CTNND2: variants seen among roughly 807,000 people sequenced by gnomAD.
CTNND2 encodes catenin delta-2.
In CTNND2, 22 loss-of-function variants were observed where a neutral mutation model predicts 144.4. That is an observed-to-expected ratio of 0.15 (90% confidence interval 0.11 to 0.22). CTNND2 has a LOEUF of 0.22. CTNND2 is among the 10% of genes least tolerant of loss of function. CTNND2 has a pLI of 1.00. For synonymous variants in CTNND2, 751 were observed against 695.6 expected, an observed-to-expected ratio of 1.08 and a Z score of -1.25; for missense variants, 1,353 against 1,618.8, an observed-to-expected ratio of 0.84 and a Z score of 2.82.
At chr5:11,704,091 G>A (rs1785582191) in intron 2 of CTNND2, among the ~76,000 whole-genome samples, 2 of 152,164 alleles carry the variant, frequency 1.3e-5, no homozygotes, top group Admixed American at 1.3e-4. Flanking sequence ...TCAAAAATGT[G>A]AACATGCTGT....
At chr5:11,577,398 C>T (rs190396458) in intron 2 of CTNND2, among the ~76,000 whole-genome samples, 1 of 152,120 alleles carries the variant, frequency 6.6e-6, no homozygotes, top group African/African-American at 2.4e-5. Context: ...CAAAGTAATG[C>T]TAAATTGTAA....
chr5:11,277,173 A>C (rs1399703121), intron 9 of CTNND2, among the ~76,000 whole-genome samples: 1 of 152,186 alleles, frequency 6.6e-6, no homozygotes, highest in Non-Finnish European at 1.5e-5. Flanking sequence ...CAGTGAGAGA[A>C]AATATTTTTA....
At chr5:11,699,885 C>T (rs1407532382) in intron 2 of CTNND2, among the ~76,000 whole-genome samples, 1 of 152,050 alleles carries the variant, frequency 6.6e-6, no homozygotes, top group East Asian at 1.9e-4. Flanking sequence ...CAATCAAATC[C>T]CCAGGTGGGG....
At chr5:10,996,081 C>T (rs1215427509) in intron 18 of CTNND2, among the ~76,000 whole-genome samples, 4 of 152,036 alleles carry the variant, frequency 2.6e-5, no homozygotes, top group African/African-American at 9.7e-5. Flanking sequence ...CCGGACAGGG[C>T]TGGAGGCTGT....
intron 3 of CTNND2, among the ~76,000 whole-genome samples, chr5:11,538,040 C>T (rs1358765325): frequency 6.6e-6 from 1 of 152,176 alleles, no homozygotes; most frequent in Non-Finnish European, 1.5e-5. Context: ...CCTAAAGAAA[C>T]TCTTCCTGCG....
Position 11,418,631 on chromosome 5 carries a change from TGATGAC to T in CTNND2, c.288-6568_288-6563del, listed in dbSNP as rs1762096656. Reference sequence around the variant, plus strand: ...TAACTGGTTTTAAGAAGGGACGAGATGATGACGAAGATGAAGCCTGCAGTGGCAGAC... The same window carrying T: ...TAACTGGTTTTAAGAAGGGACGAGATGAAGATGAAGCCTGCAGTGGCAGAC... On this transcript the variant is annotated intron_variant, in intron 3 of 21. Transcript: ENST00000304623. 9.9e-5 allele frequency among the ~76,000 whole-genome samples: 15 copies of T among 152,276 alleles called. No individual in the cohort carries two copies. In the South Asian group the frequency reaches 3.1e-3, roughly 32 times the overall value.
At chr5:11,626,749 T>G (rs531344322) in intron 2 of CTNND2, among the ~76,000 whole-genome samples, 1 of 152,308 alleles carries the variant, frequency 6.6e-6, no homozygotes, top group South Asian at 2.1e-4. Context: ...TTTTCTAAAA[T>G]GAAATATTTG....
intron 1 of CTNND2, among the ~76,000 whole-genome samples, chr5:11,769,874 C>T (rs548461844): frequency 9.9e-5 from 15 of 152,276 alleles, no homozygotes; most frequent in African/African-American, 3.6e-4. Flanking sequence ...TTTCCAACCC[C>T]ACTGATTTTC....
chr5:11,812,249 C>A (rs1792375797), intron 1 of CTNND2, among the ~76,000 whole-genome samples: 2 of 152,156 alleles, frequency 1.3e-5, no homozygotes, highest in Admixed American at 1.3e-4. Flanking sequence ...ACTGCTTTTT[C>A]TTGCTTTTCC....
intron 2 of CTNND2, among the ~76,000 whole-genome samples, chr5:11,662,755 C>T (rs1783342846): frequency 6.6e-6 from 1 of 152,110 alleles, no homozygotes; most frequent in African/African-American, 2.4e-5. Context: ...AGGTTGTGCA[C>T]CCTCTATGAG....
intron 11 of CTNND2, among the ~76,000 whole-genome samples, chr5:11,194,822 A>G (rs1736688726): frequency 6.6e-6 from 1 of 152,214 alleles, no homozygotes; most frequent in Non-Finnish European, 1.5e-5. Context: ...TAAAACAAAA[A>G]TAGGAGCTAT....
At chr5:11,307,341 GTGTA>G (rs924160930) in intron 9 of CTNND2, among the ~76,000 whole-genome samples, 4 of 130,918 alleles carry the variant, frequency 3.1e-5, no homozygotes, top group African/African-American at 1.2e-4. Flanking sequence ...GTGTGTGTGT[GTGTA>G]CACAAGGGAA....
chr5:11,413,064 C>A (rs138551734), intron 3 of CTNND2, among the ~76,000 whole-genome samples: 32 of 152,194 alleles, frequency 2.1e-4, no homozygotes, highest in Middle Eastern at 3.4e-3. Context: ...AAGAGTAGTC[C>A]ATTAAGAGAC....
chr5:11,097,635 G>A lies in CTNND2; in HGVS notation c.2637+940C>T, dbSNP rs556386697. On this transcript the variant is annotated intron_variant, in intron 15 of 21. Transcript: ENST00000304623. The stretch of plus-strand genomic sequence containing the variant: ...CATCCAAAGGAATAAGCAAAGGGGA[G>A]GGTGTAGTTACATAATGTTGAGGCC... 1.7e-4 allele frequency among the ~76,000 whole-genome samples: 26 copies of A among 152,324 alleles called. 1 individual carries two copies. The South Asian group carries it at 3.7e-3, about 22-fold the overall frequency.
chr5:11,830,823 C>G (rs1359320508), intron 1 of CTNND2, among the ~76,000 whole-genome samples: 1 of 151,994 alleles, frequency 6.6e-6, no homozygotes, highest in Non-Finnish European at 1.5e-5. Flanking sequence ...GTGAGTTAAA[C>G]AGACCTGATG....
At chr5:11,866,820 C>A (rs1365865991) in intron 1 of CTNND2, among the ~76,000 whole-genome samples, 3 of 152,116 alleles carry the variant, frequency 2.0e-5, no homozygotes, top group Non-Finnish European at 2.9e-5. Context: ...GAATTCTTCG[C>A]GTGATCAATA....
At chr5:11,145,992 C>A (rs548459572) in intron 12 of CTNND2, among the ~76,000 whole-genome samples, 36 of 152,306 alleles carry the variant, frequency 2.4e-4, no homozygotes, top group South Asian at 1.0e-3. Flanking sequence ...TTCCCCCGGA[C>A]AGACTCTGGG....
At chr5:11,690,608 C>T (rs962015441) in intron 2 of CTNND2, among the ~76,000 whole-genome samples, 4 of 151,694 alleles carry the variant, frequency 2.6e-5, no homozygotes, top group East Asian at 3.9e-4. Context: ...CGGTGGCGGG[C>T]GCCTGTAGTC....
Position 11,903,988 on chromosome 5 carries a change from G to C in CTNND2, c.-135C>G. ...TTGTCTGAGCGCGGCCGCGGGACAAGGGATGCTGGCGGGCGGCAGGGGCGA... is the reference window on the plus strand; with the variant it reads ...TTGTCTGAGCGCGGCCGCGGGACAACGGATGCTGGCGGGCGGCAGGGGCGA... On this transcript the variant is annotated 5_prime_UTR_variant, in exon 1 of 22. Transcript: ENST00000304623. The surrounding 1 kb of genome is among the most constrained non-coding windows in gnomAD (Gnocchi z 5.4). 9.2e-7 allele frequency: 1 copy of C among 1,082,482 alleles called. No individual in the cohort carries two copies. Among genetic ancestry groups the C allele is most frequent in the Non-Finnish European group, 1.2e-6 (1 of 847,866 alleles). 67.1% of individuals were successfully genotyped at this position (1,082,482 alleles called of 1,614,324 possible).
Sources: allele counts gnomAD v4.1 joint callset (sites outside exome capture counted in the v4.1 genomes callset), GRCh38; gene constraint gnomAD v4.1.1; non-coding constraint Gnocchi (gnomAD v3.1); transcripts MANE v1.5; gene names NCBI Gene and HGNC (gene_info 2026-07-23, HGNC 2026-07-21).